The following SOBP variants were observed in gnomAD, a reference collection of about 807,000 sequenced individuals.
SOBP encodes sine oculis-binding protein homolog.
In SOBP, 4 loss-of-function variants were observed where a neutral mutation model predicts 53.6. That is an observed-to-expected ratio of 0.07 (90% CI 0.04 to 0.17). The LOEUF (loss-of-function observed/expected upper bound fraction) is 0.17, where lower values mean the gene tolerates loss of function less well. Ranked by LOEUF, SOBP falls within the 10% of genes least tolerant of loss-of-function variation. SOBP has a pLI of 1.00. For synonymous variants in SOBP, 584 were observed against 522.6 expected, an observed-to-expected ratio of 1.12 and a Z score of -1.60; for missense variants, 1,088 against 1,204.7, an observed-to-expected ratio of 0.90 and a Z score of 1.43.
In SOBP at chr6:107,634,651, G is replaced by A; in HGVS notation, c.1807G>A (p.Gly603Ser). ...CGCGGACTCGCCCCCCGGCTGCTCG[G>A]GCCAGGCCCTGAGCCTGGCGCCCAC... is the stretch of plus-strand genomic sequence containing the variant. Reference protein sequence around the residue: ...KSADSPPGCSGQALSLAPTPA... With the variant: ...KSADSPPGCSSQALSLAPTPA... The change falls in exon 6 of 7, where the codon GGC becomes AGC. Residue 603 changes from glycine (G) to serine (S), a missense_variant. Physicochemically the swap from Gly to Ser is moderately conservative, Grantham distance 56. Transcript: ENST00000317357. The surrounding 1 kb of genome is among the most constrained non-coding windows in gnomAD (Gnocchi z 4.5). 3.8e-6 allele frequency: 6 copies of A among 1,565,420 alleles called. No homozygotes were observed. Among genetic ancestry groups the A allele is most frequent in the Non-Finnish European group, 5.2e-6 (6 of 1,161,900 alleles).
chr6:107,520,844 C>T (rs1783463908), intron 3 of SOBP, among the ~76,000 whole-genome samples: 1 of 152,168 alleles, frequency 6.6e-6, no homozygotes, highest in African/African-American at 2.4e-5. Context: ...CCCTCTAAGG[C>T]AACTTTGTTC....
intron 3 of SOBP, among the ~76,000 whole-genome samples, chr6:107,531,283 G>A (rs28411868): frequency 6.6e-6 from 1 of 152,246 alleles, no homozygotes; most frequent in Non-Finnish European, 1.5e-5. Context: ...GTGATTTCCC[G>A]CATAAATTTT....
chr6:107,639,727 T>C (rs1771225037), intron 6 of SOBP, among the ~76,000 whole-genome samples: 1 of 152,232 alleles, frequency 6.6e-6, no homozygotes, highest in Non-Finnish European at 1.5e-5. Flanking sequence ...CACTTGTTTA[T>C]GGTACATTGG....
At chr6:107,538,873 G>A (rs1340803728) in intron 4 of SOBP, among the ~76,000 whole-genome samples, 4 of 152,182 alleles carry the variant, frequency 2.6e-5, no homozygotes, top group Non-Finnish European at 4.4e-5. Flanking sequence ...AGGGGTAAAC[G>A]TCAGTCCTTG....
intron 6 of SOBP, among the ~76,000 whole-genome samples, chr6:107,653,290 G>A (rs1005680099): frequency 2.6e-5 from 4 of 152,196 alleles, no homozygotes; most frequent in Admixed American, 2.0e-4. Context: ...TAGTGCAGGC[G>A]GCTCTGTTCA....
intron 4 of SOBP, among the ~76,000 whole-genome samples, chr6:107,578,181 T>G (rs1193893666): frequency 1.3e-5 from 2 of 152,072 alleles, no homozygotes; most frequent in Non-Finnish European, 2.9e-5. Context: ...CTTCTGAAGC[T>G]GCAGGGAACC....
Position 107,635,075 on chromosome 6 carries a change from A to G in SOBP, c.2231A>G (p.Gln744Arg), listed in dbSNP as rs867674995. Residue 744 changes from glutamine (Q) to arginine (R), a missense_variant, in exon 6 of 7, where the codon CAG (glutamine) becomes CGG (arginine). Around this residue, in one of 6 missense-constraint regions of SOBP, gnomAD observed 665 missense variants for 629.7 expected, o/e 1.06. Coordinates refer to ENST00000317357, the MANE Select transcript of SOBP (RefSeq NM_018013.4). The surrounding 1 kb of genome is among the most constrained non-coding windows in gnomAD (Gnocchi z 4.5). The stretch of plus-strand genomic sequence containing the variant: ...AAGAGCGCGGAGCCGCCTCCCGAGC[A>G]GCCGCCGCCGCCGCCGCCGCCCGCG... ...GAKSAEPPPE[Q>R]PPPPPPPAPP... 9 of 1,564,956 alleles carry G rather than the reference A, an allele frequency of 5.8e-6. No homozygotes were observed. The Middle Eastern group carries it at 5.1e-4, about 88-fold the overall frequency.
At chr6:107,561,707 A>G (rs1435059892) in intron 4 of SOBP, among the ~76,000 whole-genome samples, 2 of 152,224 alleles carry the variant, frequency 1.3e-5, no homozygotes, top group African/African-American at 4.8e-5. Context: ...AACAAGACAA[A>G]TTATGATATT....
intron 4 of SOBP, among the ~76,000 whole-genome samples, chr6:107,553,299 T>TTTAC (rs1784516893): frequency 3.2e-5 from 1 of 30,968 alleles, no homozygotes; most frequent in Non-Finnish European, 5.0e-5. Context: ...TTATTATTAT[T>TTTAC]TTATTTATTT....
intron 4 of SOBP, chr6:107,557,915 T>C (rs547201078): frequency 3.3e-5 from 5 of 152,222 alleles, no homozygotes; most frequent in South Asian, 2.1e-4. Flanking sequence ...GCATAATTTA[T>C]GGATAATTTC....
At chr6:107,587,696 G>T (rs1785610939) in intron 5 of SOBP, among the ~76,000 whole-genome samples, 4 of 152,196 alleles carry the variant, frequency 2.6e-5, no homozygotes, top group African/African-American at 9.7e-5. Flanking sequence ...GTGACAGGGT[G>T]CGGGGATGTT....
chr6:107,550,314 G>A (rs567262627), intron 4 of SOBP, among the ~76,000 whole-genome samples: 20 of 152,320 alleles, frequency 1.3e-4, no homozygotes, highest in African/African-American at 2.2e-4. Flanking sequence ...GCTGGGTGCC[G>A]TGGAAATTAG....
rs372963231 is a variant in SOBP, at chr6:107,613,890, C to T, written c.670-19624C>T. 5.9e-5 allele frequency among the ~76,000 whole-genome samples: 9 copies of T among 152,262 alleles called. No individual in the cohort carries two copies. In the East Asian group the frequency reaches 1.5e-3, roughly 26 times the overall value. The stretch of plus-strand genomic sequence containing the variant: ...TCATATTTTAACCTGAAGAAATCTG[C>T]CTTCAAAGGTAGAATATACCTAAGG... On this transcript the variant is annotated intron_variant, in intron 5 of 6. Transcript: ENST00000317357.
intron 1 of SOBP, among the ~76,000 whole-genome samples, chr6:107,498,462 T>G (rs73514980): frequency 0.027 from 4,147 of 152,292 alleles, 203 homozygotes; most frequent in African/African-American, 0.095. Context: ...GTACTTGTGT[T>G]TCAGAGGTAT....
chr6:107,570,710 C>T (rs1056863842), intron 4 of SOBP, among the ~76,000 whole-genome samples: 2 of 152,198 alleles, frequency 1.3e-5, no homozygotes, highest in African/African-American at 4.8e-5. Context: ...TTTCCACCCA[C>T]GGGCCCTGCA....
At chr6:107,606,169 C>T (rs2748439) in intron 5 of SOBP, among the ~76,000 whole-genome samples, 82,770 of 148,238 alleles carry the variant, frequency 0.56, 25,425 homozygotes, top group Middle Eastern at 0.77. Flanking sequence ...CTCCACTTCC[C>T]GGGTTCATGC....
chr6:107,571,113 T>C (rs976001731), intron 4 of SOBP, among the ~76,000 whole-genome samples: 1 of 152,184 alleles, frequency 6.6e-6, no homozygotes, highest in Non-Finnish European at 1.5e-5. Flanking sequence ...CATTGTTCTT[T>C]GTTACTGTGG....
rs182011235 is a variant in SOBP, at chr6:107,625,887, A to G, written c.670-7627A>G. ...AAATGAGGTGTGTGACCACAGACAGAAGCTGGGCAACTAGCATACTTCACT... is the reference window on the plus strand; with the variant it reads ...AAATGAGGTGTGTGACCACAGACAGGAGCTGGGCAACTAGCATACTTCACT... On this transcript the variant is annotated intron_variant, in intron 5 of 6. Transcript: ENST00000317357. 3.9e-5 allele frequency among the ~76,000 whole-genome samples: 6 copies of G among 152,366 alleles called. No individual in the cohort carries two copies. In the East Asian group the frequency reaches 1.2e-3, roughly 29 times the overall value.
intron 5 of SOBP, among the ~76,000 whole-genome samples, chr6:107,623,888 C>G (rs61685084): frequency 0.11 from 16,865 of 152,178 alleles, 1,152 homozygotes; most frequent in East Asian, 0.25. Flanking sequence ...CCGGGCTTCA[C>G]TATTTGTAGG....
Sources: allele counts gnomAD v4.1 joint callset (sites outside exome capture counted in the v4.1 genomes callset), GRCh38; gene constraint gnomAD v4.1.1; regional missense constraint gnomAD v4.1.1; non-coding constraint Gnocchi (gnomAD v3.1); transcripts MANE v1.5; gene names NCBI Gene and HGNC (gene_info 2026-07-23, HGNC 2026-07-21).